NLRP5: variants seen among roughly 807,000 people sequenced by gnomAD.
The protein encoded by NLRP5 is NLR family pyrin domain containing 5.
In NLRP5, 93 loss-of-function variants were observed where a neutral mutation model predicts 113.1. The ratio of observed to expected loss-of-function variants is 0.82; its 90% CI spans 0.70 to 0.98. The LOEUF is 0.98. Ranked by LOEUF, NLRP5 falls within the 50% of genes least tolerant of loss-of-function variation. The probability of loss-of-function intolerance (pLI) is 0.00; values close to 1 mark genes in which losing one functional copy is unlikely to be tolerated. For missense variants in NLRP5, 1,808 were observed against 1,514.3 expected (o/e 1.19, Z -3.22); for synonymous variants, 751 against 600.7 (o/e 1.25, Z -3.66).
At chr19:55,990,196 C>T in the NLRP5 span, among the ~76,000 whole-genome samples, 2 of 147,714 alleles carry the variant, frequency 1.4e-5, no homozygotes, top group Non-Finnish European at 3.0e-5. Context: ...TCAAGCGATT[C>T]TCCTGCCTCA....
chr19:56,044,500 T>C (rs750580106), intron 11 of NLRP5, among the ~76,000 whole-genome samples: 2 of 152,218 alleles, frequency 1.3e-5, no homozygotes, highest in African/African-American at 2.4e-5. Context: ...GGTTTTTGTT[T>C]GCTTTGTTGA....
chr19:56,010,178 C>T (rs77176989), intron 3 of NLRP5, among the ~76,000 whole-genome samples: 5,671 of 152,230 alleles, frequency 0.037, 348 homozygotes, highest in African/African-American at 0.13. Flanking sequence ...ACTTGGATCA[C>T]GCACCGTGCC....
chr19:56,013,063 C>G (rs531333492), intron 3 of NLRP5, among the ~76,000 whole-genome samples: 1 of 152,280 alleles, frequency 6.6e-6, no homozygotes, highest in African/African-American at 2.4e-5. Flanking sequence ...ACTCCCCATA[C>G]CCAGCCCCTG....
rs374193862 is a variant in NLRP5 at position 56,054,447 on chromosome 19, A to T, written c.3299+639A>T. ...GTGGCGCATGCTTGTAATCCCAGCT[A>T]TTCGGGAGGCTGAGGCAGGAGAATC... On this transcript the variant is annotated intron_variant, in intron 13 of 14. Coordinates refer to ENST00000390649, the MANE Select transcript of NLRP5 (RefSeq NM_153447.4). Among the ~76,000 whole-genome samples the T allele has an allele frequency of 5.3e-5, 8 of 151,836 alleles. No individual in the cohort carries two copies. In the South Asian group the frequency reaches 1.7e-3, roughly 32 times the overall value.
At chr19:56,002,041 A>G (rs146098800) in intron 1 of NLRP5, among the ~76,000 whole-genome samples, 2,172 of 152,294 alleles carry the variant, frequency 0.014, 47 homozygotes, top group East Asian at 0.065. Flanking sequence ...GCTACATTTC[A>G]ATGTCATCAT....
At chr19:56,050,725 A>C (rs763124369) in intron 12 of NLRP5, 137 bp downstream of exon 12, 2 of 785,150 alleles carry the variant, frequency 2.5e-6, no homozygotes, top group Non-Finnish European at 4.0e-6. Context: ...TCCAAGGGCA[A>C]TCTAGGTAAA....
chr19:56,007,563 G>A (rs964482807), intron 2 of NLRP5, among the ~76,000 whole-genome samples: 12 of 151,252 alleles, frequency 7.9e-5, no homozygotes, highest in South Asian at 2.1e-4. Flanking sequence ...GCTGGGCCAC[G>A]GAGAATGAGC....
intron 2 of NLRP5, among the ~76,000 whole-genome samples, chr19:56,006,951 G>A (rs1981942691): frequency 6.6e-6 from 1 of 151,146 alleles, no homozygotes; most frequent in Admixed American, 6.6e-5. Context: ...TTGTTAGCCA[G>A]GATGGTCTCG....
chr19:56,003,433 C>T (rs964615398), intron 1 of NLRP5, among the ~76,000 whole-genome samples: 8 of 152,212 alleles, frequency 5.3e-5, no homozygotes, highest in Non-Finnish European at 8.8e-5. Flanking sequence ...GGATTACAGG[C>T]GTGAGCCACT....
chr19:56,011,568 C>T (rs35940209), intron 3 of NLRP5, among the ~76,000 whole-genome samples: 51,479 of 151,772 alleles, frequency 0.34, 9,295 homozygotes, highest in Non-Finnish European at 0.41. Context: ...GTACGTATGA[C>T]GACTACAAAG....
At chr19:56,055,814 G>A (rs990531444) in intron 13 of NLRP5, among the ~76,000 whole-genome samples, 5 of 151,826 alleles carry the variant, frequency 3.3e-5, no homozygotes, top group East Asian at 3.9e-4. Context: ...CAAAGTGCTG[G>A]GATTACAGGC....
intron 10 of NLRP5, among the ~76,000 whole-genome samples, chr19:56,039,907 T>C (rs141012698): frequency 0.016 from 2,358 of 151,564 alleles, 59 homozygotes; most frequent in African/African-American, 0.054. Context: ...AGCGCAAAAC[T>C]CCATCTCAAA....
rs917154559 is a variant in NLRP5, at chr19:56,061,522, A to G, written c.3597A>G (p.Lys1199=). 17 of 1,613,964 alleles carry G rather than the reference A, an allele frequency of 1.1e-5. No homozygotes were observed. The highest frequency in any genetic ancestry group is 1.4e-5 in the Non-Finnish European group (16 of 1,179,862). ...ATGAAGATGACCGGTACTGGTGGAAAAACTGAAGATACGGAAACCTGCCCC... is the reference window on the plus strand; with the variant it reads ...ATGAAGATGACCGGTACTGGTGGAAGAACTGAAGATACGGAAACCTGCCCC... Residue 1199 remains lysine, a synonymous_variant, in exon 15 of 15, where the codon AAA becomes AAG. Transcript: ENST00000390649.
In NLRP5 at chr19:56,061,667, A is replaced by G. The variant is rs550375850; in HGVS notation, c.*139A>G. On this transcript the variant is annotated 3_prime_UTR_variant, in exon 15 of 15. Coordinates refer to ENST00000390649, the MANE Select transcript of NLRP5 (RefSeq NM_153447.4). ...TGATTCTCACAAAGCCCTCAATGGT[A>G]GTGATTCTTCTGTGTTCACTCTACG... 1.0e-5 allele frequency: 10 copies of G among 965,398 alleles called. No individual in the cohort carries two copies. The highest frequency in any genetic ancestry group is 4.3e-5 in the Admixed American group (2 of 46,906). 59.8% of individuals were successfully genotyped at this position (965,398 alleles called of 1,614,324 possible). A position where few individuals can be genotyped will look rare whatever the true frequency, so the allele number is the denominator to read the frequency against.
In NLRP5 at chr19:56,033,852, G is replaced by C. The variant is rs995338229; in HGVS notation, c.2615+143G>C. 8.6e-6 allele frequency: 6 copies of C among 696,686 alleles called. No individual in the cohort carries two copies. In the East Asian group the frequency reaches 1.5e-4, roughly 18 times the overall value. The allele number at this position is 696,686 out of a possible 1,614,324, so 43.2% of individuals were successfully genotyped here. On this transcript the variant is annotated intron_variant, in intron 9 of 14. Coordinates refer to ENST00000390649, the MANE Select transcript of NLRP5 (RefSeq NM_153447.4). Reference sequence around the variant, plus strand: ...TGGTGGTGACGATTGCAGGAGTTGAGTGCCACTGAATTGCACACCTAAATA... The same window carrying C: ...TGGTGGTGACGATTGCAGGAGTTGACTGCCACTGAATTGCACACCTAAATA...
At chr19:56,015,644 CTA>C in intron 3 of NLRP5, 96 bp from the exon 4 acceptor site, 1 of 993,566 alleles carries the variant, frequency 1.0e-6, no homozygotes, top group Non-Finnish European at 1.4e-6. Context: ...AGAAAATTAA[CTA>C]TGGCATGACT....
In NLRP5 at chr19:56,026,955, C is replaced by T; in HGVS notation, c.722C>T (p.Thr241Ile). 6.4e-7 allele frequency: 1 copy of T among 1,551,718 alleles called. No homozygotes were observed. Among genetic ancestry groups the T allele is most frequent in the Non-Finnish European group, 8.7e-7 (1 of 1,146,998 alleles). Residue 241 changes from threonine to isoleucine, a missense_variant, in exon 7 of 15, where the codon ACC becomes ATC. Coordinates refer to ENST00000390649, the MANE Select transcript of NLRP5 (RefSeq NM_153447.4). The stretch of plus-strand genomic sequence containing the variant: ...TGGGACTACAAGAGTCACGTGATGA[C>T]CAAATTCGCTGAGGAGGAGGATGTA...
chr19:56,023,609 G>T (rs1421878034), intron 6 of NLRP5, among the ~76,000 whole-genome samples: 1 of 152,036 alleles, frequency 6.6e-6, no homozygotes, highest in Non-Finnish European at 1.5e-5. Flanking sequence ...TAACCTACGT[G>T]GGAAGAATCC....
chr19:55,988,967 C>T, the NLRP5 span, among the ~76,000 whole-genome samples: 10 of 152,114 alleles, frequency 6.6e-5, no homozygotes, highest in African/African-American at 2.4e-4. Context: ...AGCTTTTAAA[C>T]ATGTGCTCAG....
Sources: allele counts gnomAD v4.1 joint callset (sites outside exome capture counted in the v4.1 genomes callset), GRCh38; gene constraint gnomAD v4.1.1; transcripts MANE v1.5; gene names NCBI Gene and HGNC (gene_info 2026-07-23, HGNC 2026-07-21).